The following YTHDC1 variants were observed in gnomAD, a reference collection of about 807,000 sequenced individuals.
The protein encoded by YTHDC1 is YTH domain-containing protein 1.
In YTHDC1, 12 loss-of-function variants were observed where a neutral mutation model predicts 107.0. That is an observed-to-expected ratio of 0.11 (90% CI 0.07 to 0.18). The LOEUF is 0.18. Among genes scored for constraint, YTHDC1 ranks in the 10% least tolerant of loss-of-function variants. The pLI, the probability that YTHDC1 is intolerant of heterozygous loss-of-function variation, is 1.00. For synonymous variants in YTHDC1, 280 were observed against 289.5 expected, an observed-to-expected ratio of 0.97 and a Z score of 0.33; for missense variants, 635 against 898.8, an observed-to-expected ratio of 0.71 and a Z score of 3.75.
chr4:68,323,448 C>T (rs1722648145), intron 10 of YTHDC1, among the ~76,000 whole-genome samples: 1 of 152,090 alleles, frequency 6.6e-6, no homozygotes, highest in African/African-American at 2.4e-5. Flanking sequence ...TTTTGCATGG[C>T]CAGGCATAGT....
rs1017086900 is a variant in YTHDC1 at position 68,312,707 on chromosome 4, T to G, written c.*1392A>C. The G allele has an allele frequency of 6.6e-6, 1 of 152,182 alleles. No individual in the cohort carries two copies. Among genetic ancestry groups the G allele is most frequent in the East Asian group, 1.9e-4 (1 of 5,198 alleles). The allele number at this position is 152,182 out of a possible 1,614,324, so 9.4% of individuals were successfully genotyped here. On this transcript the variant is annotated 3_prime_UTR_variant, in exon 17 of 17. Transcript: ENST00000344157. ...CTGTGTTGTTCTTTTCAGGCCAATATAGATTAAATGTAAAACTGTACTATG... is the reference window on the plus strand; with the variant it reads ...CTGTGTTGTTCTTTTCAGGCCAATAGAGATTAAATGTAAAACTGTACTATG...
intron 6 of YTHDC1, 86 bp from the exon 7 acceptor site, chr4:68,332,283 C>A: frequency 1.3e-6 from 1 of 795,998 alleles, no homozygotes; most frequent in South Asian, 2.3e-5. Context: ...AATTAGCCCT[C>A]CACAACCCAG....
Position 68,322,874 on chromosome 4 carries a change from A to G in YTHDC1, c.1476T>C (p.Phe492=), listed in dbSNP as rs755816727. ...ACAAGTCAATACTTTCATCGGGGGG[A>G]AACAGAAGACAAAGCTGGGTTCCAC... is the stretch of plus-strand genomic sequence containing the variant. ...LECGTQLCLL[F]PPDESIDLYQ... is the part of the protein sequence containing the mutation. Residue 492 remains phenylalanine (F), a synonymous_variant, in exon 11 of 17, where the codon TTT becomes TTC. Transcript: ENST00000344157. The surrounding 1 kb of genome is among the most constrained non-coding windows in gnomAD (Gnocchi z 4.8). 1.9e-6 allele frequency: 3 copies of G among 1,613,850 alleles called. No individual in the cohort carries two copies. The highest frequency in any genetic ancestry group is 2.2e-5 in the East Asian group (1 of 44,858).
chr4:68,316,345 G>A lies in YTHDC1; in HGVS notation c.1928C>T (p.Pro643Leu). Reference protein sequence around the residue: ...HPPYSGHHPVPHEARYRDKRV... With the variant: ...HPPYSGHHPVLHEARYRDKRV... ...TTTATCTCTGTATCTTGCTTCATGT[G>A]GTACTGGATGATGTCCTGAGTAAGG... The change falls in exon 16 of 17, where the codon CCA (proline) becomes CTA (leucine). Residue 643 changes from proline to leucine, a missense_variant. Coordinates refer to ENST00000344157, the MANE Select transcript of YTHDC1 (RefSeq NM_001031732.4). 6.2e-7 allele frequency: 1 copy of A among 1,613,686 alleles called. No homozygotes were observed. The highest frequency in any genetic ancestry group is 8.5e-7 in the Non-Finnish European group (1 of 1,179,762).
chr4:68,337,664 T>C lies in YTHDC1; in HGVS notation c.367A>G (p.Arg123Gly), dbSNP rs778261823. The C allele has an allele frequency of 5.6e-6, 9 of 1,614,208 alleles. No individual in the cohort carries two copies. The South Asian group carries it at 8.8e-5, about 16-fold the overall frequency. ...RKIRLSSSASREPYKNQPEKT... is the reference protein window; with the variant it reads ...RKIRLSSSASGEPYKNQPEKT... ...TCAGGTTGATTCTTATAAGGTTCTC[T>C]GGAGGCACTACTTGATAGACGAATT... The change falls in exon 3 of 17, where the codon AGA becomes GGA. Residue 123 changes from arginine to glycine, a missense_variant. Around this residue, in one of 5 missense-constraint regions of YTHDC1, gnomAD observed 294 missense variants for 312.3 expected, o/e 0.94. Coordinates refer to ENST00000344157, the MANE Select transcript of YTHDC1 (RefSeq NM_001031732.4).
At chr4:68,316,547 G>C (rs942201047) in intron 15 of YTHDC1, 99 bp from the exon 16 acceptor site, 2 of 1,398,512 alleles carry the variant, frequency 1.4e-6, no homozygotes, top group Non-Finnish European at 1.9e-6. Context: ...CCAAACAAGT[G>C]AATCTGTACT....
rs145394254 is a variant in YTHDC1, at chr4:68,341,564, G to A, written c.29-3180C>T. Among the ~76,000 whole-genome samples the A allele has an allele frequency of 6.0e-3, 901 of 150,618 alleles. 11 individuals are homozygous for A. Among genetic ancestry groups the A allele is most frequent in the African/African-American group, 0.021 (848 of 40,990 alleles). On this transcript the variant is annotated intron_variant, in intron 1 of 16. Transcript: ENST00000344157. The stretch of plus-strand genomic sequence containing the variant: ...AATGGCCTGCAAGAATGGTTTTTAC[G>A]TTTTTAAGGCGCTTATTAACAAGAA...
chr4:68,336,720 T>C (rs899260286), intron 4 of YTHDC1, among the ~76,000 whole-genome samples: 2 of 152,216 alleles, frequency 1.3e-5, no homozygotes, highest in East Asian at 1.9e-4. Context: ...TTAAATAAAC[T>C]GCTGACTGGT....
rs565379432 is a variant in YTHDC1, at chr4:68,320,046, G to T, written c.1684+77C>A. The T allele has an allele frequency of 1.7e-4, 220 of 1,276,988 alleles. 1 individual carries two copies. Among genetic ancestry groups the T allele is most frequent in the Non-Finnish European group, 2.2e-4 (205 of 915,512 alleles). The allele number at this position is 1,276,988 out of a possible 1,614,324, so 79.1% of individuals were successfully genotyped here. A position where few individuals can be genotyped will look rare whatever the true frequency, so the allele number is the denominator to read the frequency against. ...TTTTCACTTTTAAAACTGCAGGATTGTGAGGGTTGTTTTTAATTTTTTAAT... is the reference window on the plus strand; with the variant it reads ...TTTTCACTTTTAAAACTGCAGGATTTTGAGGGTTGTTTTTAATTTTTTAAT... On this transcript the variant is annotated intron_variant, in intron 12 of 16. Coordinates refer to ENST00000344157, the MANE Select transcript of YTHDC1 (RefSeq NM_001031732.4).
At chr4:68,330,463 C>T (rs1252118526) in intron 7 of YTHDC1, among the ~76,000 whole-genome samples, 153 bp from the exon 8 acceptor site, 2 of 151,804 alleles carry the variant, frequency 1.3e-5, no homozygotes, top group African/African-American at 2.4e-5. Flanking sequence ...GTCAGAATAA[C>T]GTAGTAATAA....
At chr4:68,332,973 CA>C (rs983738490) in intron 5 of YTHDC1, 126 bp from the exon 6 acceptor site, 31 of 768,144 alleles carry the variant, frequency 4.0e-5, no homozygotes, top group South Asian at 7.4e-5. Flanking sequence ...CCCACACACA[CA>C]AAAAAAACTT....
intron 7 of YTHDC1, among the ~76,000 whole-genome samples, chr4:68,331,480 T>C (rs905448590): frequency 6.6e-6 from 1 of 152,128 alleles, no homozygotes; most frequent in South Asian, 2.1e-4. Context: ...GAAACTGTAG[T>C]TACTCAGTTT....
At chr4:68,341,733 T>C (rs901580811) in intron 1 of YTHDC1, among the ~76,000 whole-genome samples, 2 of 152,190 alleles carry the variant, frequency 1.3e-5, no homozygotes, top group Non-Finnish European at 2.9e-5. Context: ...ACTCCTTATA[T>C]ATACACTGGA....
Position 68,337,149 on chromosome 4 carries a change from T to C in YTHDC1, c.761A>G (p.Glu254Gly), listed in dbSNP as rs1325746198. 2.5e-6 allele frequency: 4 copies of C among 1,613,860 alleles called. No individual in the cohort carries two copies. The highest frequency in any genetic ancestry group is 2.5e-6 in the Non-Finnish European group (3 of 1,179,966). ...ATTTCCCTCCTCTTTCTGGTCTCTC[T>C]CATCCTGTTCATATTCTTCTTCTTC... ...EEEEEEYEQD[E>G]RDQKEEGNDY... Residue 254 changes from glutamate to glycine, a missense_variant, in exon 4 of 17, where the codon GAG (glutamate) becomes GGG (glycine). Around this residue, in one of 5 missense-constraint regions of YTHDC1, gnomAD observed 294 missense variants for 312.3 expected, o/e 0.94. Coordinates refer to ENST00000344157, the MANE Select transcript of YTHDC1 (RefSeq NM_001031732.4).
Position 68,322,622 on chromosome 4 carries a change from C to T in YTHDC1, c.1601+127G>A. The T allele has an allele frequency of 8.5e-7, 1 of 1,170,536 alleles. No homozygotes were observed. The highest frequency in any genetic ancestry group is 1.2e-6 in the Non-Finnish European group (1 of 851,748). The allele number at this position is 1,170,536 out of a possible 1,614,324, so 72.5% of individuals were successfully genotyped here. A position where few individuals can be genotyped will look rare whatever the true frequency, so the allele number is the denominator to read the frequency against. Reference sequence around the variant, plus strand: ...ATCCTCAATGAAGCCACAAACTAGTCCATGCAGCTTGATTTGAGGATTTTC... The same window carrying T: ...ATCCTCAATGAAGCCACAAACTAGTTCATGCAGCTTGATTTGAGGATTTTC... On this transcript the variant is annotated intron_variant, in intron 11 of 16. Transcript: ENST00000344157. This position sits in a 1 kb window ranked among gnomAD's most constrained non-coding sequence, Gnocchi z 4.8.
chr4:68,348,474 CAAAA>C (rs34746525), intron 1 of YTHDC1, among the ~76,000 whole-genome samples: 2 of 120,986 alleles, frequency 1.7e-5, no homozygotes, highest in Non-Finnish European at 3.6e-5. Context: ...CTGGATTTCT[CAAAA>C]AAAAAAAAAA....
Position 68,312,283 on chromosome 4 carries a change from A to G in YTHDC1, c.*1816T>C, listed in dbSNP as rs1467897513. 1 of 152,212 alleles carries G rather than the reference A, an allele frequency of 6.6e-6. No individual in the cohort carries two copies. The highest frequency in any genetic ancestry group is 1.5e-5 in the Non-Finnish European group (1 of 68,036). The allele number at this position is 152,212 out of a possible 1,614,324, so 9.4% of individuals were successfully genotyped here. ...TTTAAATGAGTCTGTATATAAAAGC[A>G]CAAAGTCTCTATTGCATACAAAGTG... On this transcript the variant is annotated 3_prime_UTR_variant, in exon 17 of 17. Transcript: ENST00000344157.
chr4:68,339,353 T>C (rs144938038), intron 1 of YTHDC1, among the ~76,000 whole-genome samples: 148 of 152,314 alleles, frequency 9.7e-4, no homozygotes, highest in African/African-American at 3.0e-3. Context: ...GTAAGAACTA[T>C]TTCATATCAA....
chr4:68,317,248 T>G (rs1304698577), intron 15 of YTHDC1, among the ~76,000 whole-genome samples: 1 of 152,064 alleles, frequency 6.6e-6, no homozygotes, highest in Non-Finnish European at 1.5e-5. Context: ...CAGGAGCAAA[T>G]TAACTTTTAA....
Sources: allele counts gnomAD v4.1 joint callset (sites outside exome capture counted in the v4.1 genomes callset), GRCh38; gene constraint gnomAD v4.1.1; regional missense constraint gnomAD v4.1.1; non-coding constraint Gnocchi (gnomAD v3.1); transcripts MANE v1.5; gene names NCBI Gene and HGNC (gene_info 2026-07-23, HGNC 2026-07-21).